TMEM178B: variants seen among roughly 807,000 people sequenced by gnomAD.
TMEM178B encodes the protein transmembrane protein 178B.
Under a neutral mutation model 31.0 loss-of-function variants are expected in TMEM178B, and 5 were observed. That is an observed-to-expected ratio of 0.16 (90% confidence interval 0.08 to 0.34). The LOEUF is 0.34. Among genes scored for constraint, TMEM178B ranks in the 10% least tolerant of loss-of-function variants. The pLI, the probability that TMEM178B is intolerant of heterozygous loss-of-function variation, is 1.00. For missense variants in TMEM178B, 275 were observed against 400.3 expected (o/e 0.69, Z 2.67); for synonymous variants, 164 against 164.0 (o/e 1.00, Z 0.00).
intron 2 of TMEM178B, among the ~76,000 whole-genome samples, chr7:141,372,003 C>T (rs1045126920): frequency 6.6e-6 from 1 of 152,208 alleles, no homozygotes; most frequent in Non-Finnish European, 1.5e-5. Context: ...CACTTGGACC[C>T]ATGTTTCCTG....
rs188927024 is a variant in TMEM178B at position 141,350,157 on chromosome 7, A to G, written c.497-87451A>G. 4.0e-3 allele frequency among the ~76,000 whole-genome samples: 610 copies of G among 152,296 alleles called. 6 individuals carry two copies. The highest frequency in any genetic ancestry group is 6.3e-3 in the Non-Finnish European group (431 of 68,024). On this transcript the variant is annotated intron_variant, in intron 2 of 3. Coordinates refer to ENST00000565468, the MANE Select transcript of TMEM178B (RefSeq NM_001195278.2). ...CTTCCAGATGTCACAATGAACCGAA[A>G]AAACACAAGAAAACCAGTTGATTAC...
In TMEM178B at chr7:141,412,752, C is replaced by T. The variant is rs370164846; in HGVS notation, c.497-24856C>T. Among the ~76,000 whole-genome samples the T allele has an allele frequency of 9.2e-5, 14 of 152,270 alleles. No homozygotes were observed. In the East Asian group the frequency reaches 2.7e-3, roughly 29 times the overall value. ...CCCCACATAGATCACCTTTGTGGAGCACATAGTATGTGCTATGTGTGAGCC... is the reference window on the plus strand; with the variant it reads ...CCCCACATAGATCACCTTTGTGGAGTACATAGTATGTGCTATGTGTGAGCC... On this transcript the variant is annotated intron_variant, in intron 2 of 3. Transcript: ENST00000565468.
chr7:141,367,598 A>G (rs1010131986), intron 2 of TMEM178B, among the ~76,000 whole-genome samples: 2 of 152,188 alleles, frequency 1.3e-5, no homozygotes, highest in African/African-American at 4.8e-5. Flanking sequence ...GTTAGGACCC[A>G]GGCATGATGC....
At chr7:141,325,866 G>A (rs1352934245) in intron 2 of TMEM178B, among the ~76,000 whole-genome samples, 1 of 152,116 alleles carries the variant, frequency 6.6e-6, no homozygotes, top group African/African-American at 2.4e-5. Flanking sequence ...GTCATAAATA[G>A]ACAGAAATGT....
chr7:141,190,345 G>A (rs888653240), intron 1 of TMEM178B, among the ~76,000 whole-genome samples: 1 of 151,744 alleles, frequency 6.6e-6, no homozygotes, highest in African/African-American at 2.4e-5. Flanking sequence ...ACAGGGTCTT[G>A]TTCTGTTGCC....
chr7:141,366,174 T>C (rs1017894582), intron 2 of TMEM178B, among the ~76,000 whole-genome samples: 5 of 152,204 alleles, frequency 3.3e-5, no homozygotes, highest in Non-Finnish European at 7.3e-5. Flanking sequence ...AATAAAAGCT[T>C]GTAGCATTTA....
At chr7:141,202,873 C>T (rs1216630518) in intron 1 of TMEM178B, among the ~76,000 whole-genome samples, 2 of 152,182 alleles carry the variant, frequency 1.3e-5, no homozygotes, top group Admixed American at 6.5e-5. Flanking sequence ...CCCATTTCTG[C>T]CCCATTTGGG....
At chr7:141,151,838 CA>C (rs1563101180) in intron 1 of TMEM178B, among the ~76,000 whole-genome samples, 1 of 152,178 alleles carries the variant, frequency 6.6e-6, no homozygotes. Flanking sequence ...GAGTCAGCTA[CA>C]GGGGGGGTGC....
At chr7:141,147,021 C>A (rs1177496688) in intron 1 of TMEM178B, among the ~76,000 whole-genome samples, 1 of 152,088 alleles carries the variant, frequency 6.6e-6, no homozygotes, top group African/African-American at 2.4e-5. Context: ...CATGATTTTG[C>A]ATTTTTGGTT....
At chr7:141,181,363 A>G (rs1180839068) in intron 1 of TMEM178B, among the ~76,000 whole-genome samples, 1 of 152,148 alleles carries the variant, frequency 6.6e-6, no homozygotes, top group Admixed American at 6.5e-5. Context: ...AGACTGGCTG[A>G]CTGGGGAAGG....
At chr7:141,312,459 T>A (rs1044295199) in intron 2 of TMEM178B, among the ~76,000 whole-genome samples, 6 of 152,146 alleles carry the variant, frequency 3.9e-5, no homozygotes, top group Admixed American at 3.9e-4. Flanking sequence ...CTAGAGTAGG[T>A]CCCAAGGAAA....
At chr7:141,498,962 G>A in the TMEM178B span, among the ~76,000 whole-genome samples, 3 of 152,124 alleles carry the variant, frequency 2.0e-5, no homozygotes, top group Non-Finnish European at 4.4e-5. Flanking sequence ...TGAATGCCAA[G>A]GCATATGCTA....
chr7:141,467,225 C>G (rs80344236), intron 3 of TMEM178B, among the ~76,000 whole-genome samples: 1,730 of 152,146 alleles, frequency 0.011, 22 homozygotes, highest in Middle Eastern at 0.044. Flanking sequence ...CCCTGGGGAC[C>G]ATCAGAGAAT....
rs903610672 is a variant in TMEM178B, at chr7:141,461,632, C to T, written c.635-8904C>T. Among the ~76,000 whole-genome samples, 1 of 152,206 alleles carries T rather than the reference C, an allele frequency of 6.6e-6. No individual in the cohort carries two copies. The highest frequency in any genetic ancestry group is 6.5e-5 in the Admixed American group (1 of 15,290). ...CAATTTTGATGCTGTTTCTCCACAG[C>T]GTCCATTGCTGTGTCATGACTGCCG... On this transcript the variant is annotated intron_variant, in intron 3 of 3. Coordinates refer to ENST00000565468, the MANE Select transcript of TMEM178B (RefSeq NM_001195278.2). This position sits in a 1 kb window ranked among gnomAD's most constrained non-coding sequence, Gnocchi z 4.0.
chr7:141,340,801 T>C (rs1335917536), intron 2 of TMEM178B, among the ~76,000 whole-genome samples: 1 of 152,258 alleles, frequency 6.6e-6, no homozygotes, highest in South Asian at 2.1e-4. Context: ...ATGAGCCTAG[T>C]ACACTTTTAG....
At chr7:141,488,622 T>C in the TMEM178B span, among the ~76,000 whole-genome samples, 12 of 152,056 alleles carry the variant, frequency 7.9e-5, no homozygotes, top group Admixed American at 5.9e-4. Context: ...GCATTTTTAG[T>C]AGAGACGGGG....
intron 1 of TMEM178B, among the ~76,000 whole-genome samples, chr7:141,160,601 T>A (rs1340694429): frequency 6.6e-6 from 1 of 152,170 alleles, no homozygotes; most frequent in African/African-American, 2.4e-5. Flanking sequence ...ACATGACACA[T>A]GCTCCATAAC....
chr7:141,366,674 C>T (rs1392206793), intron 2 of TMEM178B, among the ~76,000 whole-genome samples: 3 of 152,070 alleles, frequency 2.0e-5, no homozygotes, highest in South Asian at 2.1e-4. Flanking sequence ...TTTTCTTTAA[C>T]GGCCATTTCC....
chr7:141,371,343 G>C (rs1255400581), intron 2 of TMEM178B, among the ~76,000 whole-genome samples: 1 of 151,626 alleles, frequency 6.6e-6, no homozygotes, highest in East Asian at 1.9e-4. Context: ...TTCCTCTTTT[G>C]TCAAATGATC....
Sources: gnomAD v4.1 joint callset for allele counts (sites outside exome capture counted in the v4.1 genomes callset) on GRCh38, gnomAD v4.1.1 for gene constraint, Gnocchi (gnomAD v3.1) non-coding constraint, MANE v1.5 for transcripts, NCBI Gene and HGNC (gene_info 2026-07-23, HGNC 2026-07-21) for gene names.